Variants in FYN observed in about 807,000 individuals in gnomAD.
FYN encodes FYN proto-oncogene, Src family tyrosine kinase, also known as tyrosine-protein kinase Fyn.
Under a neutral mutation model 70.2 loss-of-function variants are expected in FYN, and 10 were observed. The observed-to-expected ratio is 0.14, with a 90% CI of 0.09 to 0.24. The LOEUF is 0.24. Ranked by LOEUF, FYN falls within the 10% of genes least tolerant of loss-of-function variation. The pLI is 1.00. For missense variants in FYN, 319 were observed against 673.1 expected, an observed-to-expected ratio of 0.47 and a Z score of 5.82; for synonymous variants, 236 against 248.6, an observed-to-expected ratio of 0.95 and a Z score of 0.48.
intron 4 of FYN, among the ~76,000 whole-genome samples, chr6:111,718,211 G>A (rs924006661): frequency 2.0e-5 from 3 of 152,176 alleles, no homozygotes; most frequent in African/African-American, 7.2e-5. Flanking sequence ...CATGTTCCAG[G>A]AGCTGAGGGG....
Position 111,660,504 on chromosome 6 carries a change from G to A in FYN, c.*1235C>T, listed in dbSNP as rs1472790599. ...TTTGATTTGTTGTTGTTAAACATAT[G>A]TAATTTAAGGTTGGTACAAACAGCA... On this transcript the variant is annotated 3_prime_UTR_variant, in exon 14 of 14. Transcript: ENST00000354650. 1 of 152,194 alleles carries A rather than the reference G, an allele frequency of 6.6e-6. No individual in the cohort carries two copies. The highest frequency in any genetic ancestry group is 6.5e-5 in the Admixed American group (1 of 15,280). 9.4% of individuals were successfully genotyped at this position (152,194 alleles called of 1,614,324 possible).
intron 3 of FYN, among the ~76,000 whole-genome samples, chr6:111,778,964 C>T (rs982035784): frequency 6.6e-6 from 1 of 151,876 alleles, no homozygotes; most frequent in African/African-American, 2.4e-5. Context: ...TAAATACCAC[C>T]AGCACTAAGA....
chr6:111,865,883 C>T (rs182656421), intron 1 of FYN, among the ~76,000 whole-genome samples: 5 of 152,308 alleles, frequency 3.3e-5, no homozygotes, highest in African/African-American at 7.2e-5. Context: ...TCATGTTTTC[C>T]GTTCTCAAGA....
intron 9 of FYN, chr6:111,699,691 A>T: frequency 6.2e-7 from 1 of 1,606,804 alleles, no homozygotes; most frequent in African/African-American, 1.3e-5. Flanking sequence ...GGGAATTAAT[A>T]AAGAAAACAC....
intron 13 of FYN, among the ~76,000 whole-genome samples, chr6:111,671,097 A>AT (rs1161317776): frequency 6.6e-6 from 1 of 152,212 alleles, no homozygotes; most frequent in Non-Finnish European, 1.5e-5. Flanking sequence ...CTTGTTACAC[A>AT]TCTCGAAAGC....
intron 1 of FYN, among the ~76,000 whole-genome samples, chr6:111,856,521 TATAAG>T (rs1350188659): frequency 1.3e-5 from 2 of 152,156 alleles, no homozygotes; most frequent in African/African-American, 4.8e-5. Flanking sequence ...ACTCAGATAA[TATAAG>T]ATTTTTTAAA....
chr6:111,822,728 G>A (rs777244304), intron 2 of FYN, among the ~76,000 whole-genome samples: 16 of 151,822 alleles, frequency 1.1e-4, no homozygotes, highest in South Asian at 2.1e-4. Context: ...AACAGTAGAG[G>A]TAGAGGCTGC....
intron 4 of FYN, 107 bp from the exon 5 acceptor site, chr6:111,714,550 A>T (rs1800531239): frequency 2.5e-6 from 2 of 792,562 alleles, no homozygotes; most frequent in East Asian, 5.2e-5. Flanking sequence ...ACATCTAGCC[A>T]GCACTAATAA....
intron 3 of FYN, among the ~76,000 whole-genome samples, chr6:111,745,254 C>T (rs1183667576): frequency 1.3e-5 from 2 of 152,180 alleles, no homozygotes; most frequent in African/African-American, 4.8e-5. Flanking sequence ...GGGTGTCCAG[C>T]CCATGGGAGA....
chr6:111,734,703 T>C (rs1045785430), intron 3 of FYN, among the ~76,000 whole-genome samples: 1 of 150,494 alleles, frequency 6.6e-6, no homozygotes, highest in Non-Finnish European at 1.5e-5. Flanking sequence ...CGACCCCCCC[T>C]ACCCCAAACA....
At chr6:111,744,485 T>C (rs1411238576) in intron 3 of FYN, among the ~76,000 whole-genome samples, 1 of 152,232 alleles carries the variant, frequency 6.6e-6, no homozygotes, top group Non-Finnish European at 1.5e-5. Flanking sequence ...GGGAGGGCAC[T>C]CAGCTGGAAA....
intron 5 of FYN, among the ~76,000 whole-genome samples, chr6:111,712,167 C>T (rs706882): frequency 0.13 from 20,035 of 152,176 alleles, 2,544 homozygotes; most frequent in African/African-American, 0.33. Context: ...GACTTTCCAA[C>T]GCCCTCCAGC....
intron 2 of FYN, among the ~76,000 whole-genome samples, chr6:111,812,925 G>A (rs956825000): frequency 9.2e-5 from 14 of 152,132 alleles, no homozygotes; most frequent in African/African-American, 3.4e-4. Flanking sequence ...CCTCTGTGAA[G>A]TGCCAAGTAG....
At chr6:111,796,528 T>C (rs1336517252) in intron 2 of FYN, among the ~76,000 whole-genome samples, 3 of 152,212 alleles carry the variant, frequency 2.0e-5, no homozygotes, top group Non-Finnish European at 4.4e-5. Context: ...CACCTAATGA[T>C]GCTTTTCTCA....
chr6:111,740,439 T>C (rs536840164), intron 3 of FYN, among the ~76,000 whole-genome samples: 25 of 152,338 alleles, frequency 1.6e-4, no homozygotes, highest in African/African-American at 6.0e-4. Context: ...TGAAAGATAT[T>C]AATGAAATAG....
chr6:111,721,566 G>C (rs1583361017), intron 3 of FYN, among the ~76,000 whole-genome samples: 1 of 152,064 alleles, frequency 6.6e-6, no homozygotes, highest in African/African-American at 2.4e-5. Flanking sequence ...ACCACACCCA[G>C]CTAATTTTTT....
intron 2 of FYN, among the ~76,000 whole-genome samples, chr6:111,824,181 A>C (rs1003055444): frequency 5.3e-5 from 8 of 152,210 alleles, no homozygotes; most frequent in African/African-American, 1.7e-4. Context: ...CTTTTGCAAG[A>C]TGTGAAGAAT....
intron 13 of FYN, among the ~76,000 whole-genome samples, chr6:111,666,359 G>A (rs1798006638): frequency 6.6e-6 from 1 of 152,134 alleles, no homozygotes; most frequent in East Asian, 1.9e-4. Context: ...ATGTTCCCTG[G>A]TTCCCACAGA....
intron 2 of FYN, among the ~76,000 whole-genome samples, chr6:111,786,750 C>G (rs539810360): frequency 8.5e-5 from 13 of 152,258 alleles, no homozygotes; most frequent in African/African-American, 1.2e-4. Context: ...TTTTAATGAT[C>G]GCCATTCTAA....
Sources: allele counts gnomAD v4.1 joint callset (sites outside exome capture counted in the v4.1 genomes callset), GRCh38; gene constraint gnomAD v4.1.1; transcripts MANE v1.5; gene names NCBI Gene and HGNC (gene_info 2026-07-23, HGNC 2026-07-21).